The following ZNF331 variants were observed in gnomAD, a reference collection of about 807,000 sequenced individuals.
ZNF331 encodes C2H2-like zinc finger protein rearranged in thyroid adenomas.
A neutral mutation model predicts 7.0 loss-of-function variants in ZNF331; 2 were observed. The ratio of observed to expected loss-of-function variants is 0.29; its 90% CI spans 0.12 to 0.90. ZNF331 has a LOEUF of 0.90. Ranked by LOEUF, ZNF331 falls within the 40% of genes least tolerant of loss-of-function variation. The probability of loss-of-function intolerance (pLI) is 0.58; values close to 1 mark genes in which losing one functional copy is unlikely to be tolerated. For synonymous variants in ZNF331, 196 were observed against 205.4 expected (o/e 0.95, Z 0.39); for missense variants, 432 against 587.7 (o/e 0.74, Z 2.74).
chr19:53,531,687 A>G (rs2087546421), intron 2 of ZNF331, among the ~76,000 whole-genome samples: 1 of 152,212 alleles, frequency 6.6e-6, no homozygotes, highest in African/African-American at 2.4e-5. Context: ...TCAAAGGCAT[A>G]AATGTTTTCC....
At chr19:53,536,206 A>G (rs1451275619), upstream of ZNF331, 5 of 152,122 alleles carry the variant, frequency 3.3e-5, no homozygotes, top group Admixed American at 3.3e-4. Context: ...ATGGATTGAG[A>G]TATGTTACTG....
upstream of ZNF331, among the ~76,000 whole-genome samples, chr19:53,535,878 T>C (rs2087729591): frequency 6.6e-6 from 1 of 151,812 alleles, no homozygotes; most frequent in Non-Finnish European, 1.5e-5. Context: ...CAATCTTGGC[T>C]CACTACAACC....
At chr19:53,570,659 A>G (rs993548318) in intron 4 of ZNF331, among the ~76,000 whole-genome samples, 8 of 150,590 alleles carry the variant, frequency 5.3e-5, no homozygotes, top group African/African-American at 2.0e-4. Flanking sequence ...CAGCCTCCTG[A>G]GTAGCTGGGA....
chr19:53,523,258 C>T (rs537523557), intron 2 of ZNF331: 2 of 151,442 alleles, frequency 1.3e-5, no homozygotes, highest in Admixed American at 1.3e-4. Flanking sequence ...TGCCCTTGTC[C>T]CCCAGGCTGG....
At chr19:53,550,355 A>C (rs1397893159) in intron 2 of ZNF331, among the ~76,000 whole-genome samples, 1 of 152,148 alleles carries the variant, frequency 6.6e-6, no homozygotes, top group Non-Finnish European at 1.5e-5. Flanking sequence ...TCATTGTATT[A>C]AAATCTAACC....
intron 3 of ZNF331, among the ~76,000 whole-genome samples, chr19:53,567,710 G>A (rs2090224286): frequency 6.6e-6 from 1 of 151,912 alleles, no homozygotes. Context: ...CAAGTGCAGT[G>A]GTGCAACCTG....
At chr19:53,510,740 T>C in the ZNF331 span, among the ~76,000 whole-genome samples, 1 of 152,034 alleles carries the variant, frequency 6.6e-6, no homozygotes, top group East Asian at 1.9e-4. Flanking sequence ...AAATTAAATT[T>C]ATAAATTAGC....
intron 3 of ZNF331, among the ~76,000 whole-genome samples, chr19:53,557,459 A>G (rs2089508757): frequency 6.6e-6 from 1 of 152,184 alleles, no homozygotes; most frequent in African/African-American, 2.4e-5. Context: ...CTCCTCCCTC[A>G]TGTCCTAATC....
intron 3 of ZNF331, among the ~76,000 whole-genome samples, chr19:53,566,006 T>TC (rs1370124009): frequency 6.6e-6 from 1 of 152,182 alleles, no homozygotes; most frequent in African/African-American, 2.4e-5. Context: ...TCAGGAGCTG[T>TC]CAGGACCACC....
At chr19:53,506,334 C>CCA in the ZNF331 span, among the ~76,000 whole-genome samples, 275 of 39,528 alleles carry the variant, frequency 7.0e-3, 7 homozygotes, top group African/African-American at 0.02. Context: ...GACTCCGTCT[C>CCA]AAAAAAAAAA....
chr19:53,568,849 CTTTTTTTTTTT>C (rs537822108), intron 3 of ZNF331, among the ~76,000 whole-genome samples: 46 of 77,102 alleles, frequency 6.0e-4, no homozygotes, highest in Non-Finnish European at 8.1e-4. Context: ...CCATGATACT[CTTTTTTTTTTT>C]TTTTTTTTTT....
chr19:53,515,402 C>T (rs377424876), upstream of ZNF331, among the ~76,000 whole-genome samples: 206 of 151,292 alleles, frequency 1.4e-3, no homozygotes, highest in African/African-American at 4.8e-3. Context: ...CAGAAAGTAC[C>T]AAACTTCAGT....
At chr19:53,530,490 G>A (rs2087495805) in intron 2 of ZNF331, among the ~76,000 whole-genome samples, 1 of 152,212 alleles carries the variant, frequency 6.6e-6, no homozygotes, top group Non-Finnish European at 1.5e-5. Context: ...TCCATGTGTA[G>A]GTAAATACAA....
chr19:53,536,506 T>C (rs1393410741), upstream of ZNF331: 2 of 152,260 alleles, frequency 1.3e-5, no homozygotes, highest in Non-Finnish European at 2.9e-5. Context: ...TCTTAATTAA[T>C]GAGTCAGTAT....
At chr19:53,554,306 T>G (rs2089213665) in intron 2 of ZNF331, among the ~76,000 whole-genome samples, 1 of 152,186 alleles carries the variant, frequency 6.6e-6, no homozygotes, top group Non-Finnish European at 1.5e-5. Context: ...TGTCGGGGTC[T>G]GGTCGCACAT....
chr19:53,506,440 C>G, the ZNF331 span, among the ~76,000 whole-genome samples: 43 of 66,442 alleles, frequency 6.5e-4, 1 homozygote, highest in East Asian at 3.1e-3. Context: ...CTCTCTCTCT[C>G]TCTGTCTCTC....
chr19:53,537,376 A>C (rs2087800531), upstream of ZNF331: 2 of 152,324 alleles, frequency 1.3e-5, no homozygotes, highest in Admixed American at 1.3e-4. Flanking sequence ...AGCGGCCTGC[A>C]GAGAATTCCA....
upstream of ZNF331, among the ~76,000 whole-genome samples, chr19:53,516,613 G>A (rs2086910667): frequency 6.6e-6 from 1 of 152,030 alleles, no homozygotes; most frequent in South Asian, 2.1e-4. Context: ...CACCCAGGAG[G>A]GTCCCTGACT....
At chr19:53,552,865 A>T (rs569696115) in intron 2 of ZNF331, among the ~76,000 whole-genome samples, 1 of 152,202 alleles carries the variant, frequency 6.6e-6, no homozygotes, top group Non-Finnish European at 1.5e-5. Flanking sequence ...AGATATTCTG[A>T]TATTTAATAG....
Sources: allele counts gnomAD v4.1 joint callset (sites outside exome capture counted in the v4.1 genomes callset), GRCh38; gene constraint gnomAD v4.1.1; transcripts MANE v1.5; gene names NCBI Gene and HGNC (gene_info 2026-07-23, HGNC 2026-07-21).